The following GNA12 variants were observed in gnomAD, a reference collection of about 807,000 sequenced individuals.
The protein encoded by GNA12 is G protein subunit alpha 12, also known as guanine nucleotide-binding protein subunit alpha-12.
In GNA12, 9 loss-of-function variants were observed where a neutral mutation model predicts 26.0. That is an observed-to-expected ratio of 0.35 (90% confidence interval 0.21 to 0.60). GNA12 has a LOEUF of 0.60. Ranked by LOEUF, GNA12 falls within the 20% of genes least tolerant of loss-of-function variation. The pLI is 0.78. For synonymous variants in GNA12, 264 were observed against 219.6 expected (o/e 1.20, Z -1.79); for missense variants, 405 against 525.8 (o/e 0.77, Z 2.25).
At chr7:2,814,962 C>T (rs772058296) in intron 1 of GNA12, 8 of 1,564,752 alleles carry the variant, frequency 5.1e-6, no homozygotes, top group Non-Finnish European at 6.9e-6. Flanking sequence ...AGGCGCTCTG[C>T]ACTCGGCATG....
At chr7:2,734,879 T>C (rs952336498) in intron 2 of GNA12, among the ~76,000 whole-genome samples, 1 of 152,080 alleles carries the variant, frequency 6.6e-6, no homozygotes, top group African/African-American at 2.4e-5. Context: ...AGCTCTGCAG[T>C]AGGGAAGGCA....
chr7:2,803,227 T>C (rs1446238073), intron 1 of GNA12, among the ~76,000 whole-genome samples: 1 of 152,068 alleles, frequency 6.6e-6, no homozygotes, highest in Non-Finnish European at 1.5e-5. Context: ...GCCCCATAAC[T>C]GGAAGGACAG....
chr7:2,750,475 C>G (rs1790980263), intron 2 of GNA12, among the ~76,000 whole-genome samples: 2 of 152,214 alleles, frequency 1.3e-5, no homozygotes. Flanking sequence ...CCAACCTTAT[C>G]TATATTGTTT....
intron 1 of GNA12, among the ~76,000 whole-genome samples, chr7:2,821,046 C>T (rs995451830): frequency 6.6e-6 from 1 of 152,262 alleles, no homozygotes. Context: ...GGCCTACATC[C>T]ATGTTTTCAT....
chr7:2,800,628 T>C (rs1792785885), intron 1 of GNA12, among the ~76,000 whole-genome samples: 1 of 152,100 alleles, frequency 6.6e-6, no homozygotes. Context: ...GTTCCAACGA[T>C]GTGATGTGGA....
chr7:2,769,158 C>A (rs534741901), intron 2 of GNA12, among the ~76,000 whole-genome samples: 1 of 152,254 alleles, frequency 6.6e-6, no homozygotes, highest in South Asian at 2.1e-4. Context: ...ACCGTCTTGG[C>A]CTCCCAAAGT....
chr7:2,843,830 G>A, intron 1 of GNA12, 23 bp downstream of exon 1: 1 of 1,388,740 alleles, frequency 7.2e-7, no homozygotes, highest in African/African-American at 1.5e-5. Context: ...GGGTGCAGGT[G>A]CTGGGCGGGG....
intron 2 of GNA12, among the ~76,000 whole-genome samples, chr7:2,743,702 C>T (rs1042504115): frequency 4.6e-5 from 7 of 152,182 alleles, no homozygotes; most frequent in Middle Eastern, 3.4e-3. Context: ...GCGCACTGTG[C>T]GCGAGCCGAA....
At chr7:2,797,628 G>A (rs997542410) in intron 1 of GNA12, among the ~76,000 whole-genome samples, 1 of 152,132 alleles carries the variant, frequency 6.6e-6, no homozygotes, top group Non-Finnish European at 1.5e-5. Flanking sequence ...CTCTCCTGCA[G>A]CATCAATTTG....
At chr7:2,814,008 C>T (rs966907719) in intron 1 of GNA12, among the ~76,000 whole-genome samples, 38 of 152,120 alleles carry the variant, frequency 2.5e-4, no homozygotes, top group African/African-American at 9.2e-4. Flanking sequence ...CATTTCCTGC[C>T]TCGCCGCCGG....
At chr7:2,822,756 G>A (rs1021875950) in intron 1 of GNA12, among the ~76,000 whole-genome samples, 11 of 152,190 alleles carry the variant, frequency 7.2e-5, no homozygotes, top group Admixed American at 6.5e-4. Flanking sequence ...AGGCTGCAGC[G>A]AGCTATGATC....
At chr7:2,816,420 T>C (rs926733417) in intron 1 of GNA12, among the ~76,000 whole-genome samples, 2 of 152,112 alleles carry the variant, frequency 1.3e-5, no homozygotes, top group African/African-American at 4.8e-5. Flanking sequence ...TTAGTAGAGA[T>C]GGGTTTCACC....
chr7:2,836,721 CG>C (rs112114020), intron 1 of GNA12, among the ~76,000 whole-genome samples: 4,972 of 152,098 alleles, frequency 0.033, 280 homozygotes, highest in African/African-American at 0.11. Context: ...GTCAGGAGTT[CG>C]AGACCAGCCT....
intron 1 of GNA12, among the ~76,000 whole-genome samples, chr7:2,807,808 A>G (rs1190503697): frequency 6.6e-6 from 1 of 152,210 alleles, no homozygotes; most frequent in Non-Finnish European, 1.5e-5. Flanking sequence ...ATTAAATATC[A>G]GCATCAGGCA....
At chr7:2,747,861 C>A (rs1242837361) in intron 2 of GNA12, among the ~76,000 whole-genome samples, 2 of 152,158 alleles carry the variant, frequency 1.3e-5, no homozygotes, top group Admixed American at 6.6e-5. Context: ...CATTCTTATA[C>A]ACCAATAACA....
chr7:2,833,040 A>G (rs1470964685), intron 1 of GNA12, among the ~76,000 whole-genome samples: 1 of 152,260 alleles, frequency 6.6e-6, no homozygotes, highest in East Asian at 1.9e-4. Flanking sequence ...ACAGAGAGAA[A>G]GACTAACCCA....
chr7:2,763,900 G>C (rs1011915916), intron 2 of GNA12, among the ~76,000 whole-genome samples: 2 of 152,218 alleles, frequency 1.3e-5, no homozygotes, highest in Non-Finnish European at 2.9e-5. Context: ...GCTCAGCTGA[G>C]CTGTTGCTTT....
intron 1 of GNA12, among the ~76,000 whole-genome samples, chr7:2,811,907 T>C (rs552050494): frequency 6.6e-6 from 1 of 152,360 alleles, no homozygotes; most frequent in South Asian, 2.1e-4. Flanking sequence ...AAAAGTCCCA[T>C]GTCCCCGTCC....
intron 2 of GNA12, among the ~76,000 whole-genome samples, chr7:2,792,557 T>C (rs969143893): frequency 5.9e-5 from 9 of 152,194 alleles, no homozygotes; most frequent in Non-Finnish European, 1.0e-4. Flanking sequence ...TCAATTTCCA[T>C]CCAAGTTCTA....
Sources: gnomAD v4.1 joint callset for allele counts (sites outside exome capture counted in the v4.1 genomes callset) on GRCh38, gnomAD v4.1.1 for gene constraint, MANE v1.5 for transcripts, NCBI Gene and HGNC (gene_info 2026-07-23, HGNC 2026-07-21) for gene names.